The following PTPRB variants were observed in gnomAD, a reference collection of about 807,000 sequenced individuals.
The protein encoded by PTPRB is protein tyrosine phosphatase receptor type B, also known as receptor-type tyrosine-protein phosphatase beta.
Under a neutral mutation model 238.1 loss-of-function variants are expected in PTPRB, and 97 were observed. The observed-to-expected ratio is 0.41, with a 90% CI of 0.35 to 0.48. The LOEUF is 0.48. PTPRB is among the 20% of genes least tolerant of loss of function. PTPRB has a pLI of 0.30. For missense variants in PTPRB, 2,292 were observed against 2,681.9 expected, an observed-to-expected ratio of 0.85 and a Z score of 3.21; for synonymous variants, 970 against 995.4, an observed-to-expected ratio of 0.97 and a Z score of 0.48.
chr12:70,525,737 C>T (rs1035042162), intron 32 of PTPRB, among the ~76,000 whole-genome samples: 1 of 152,174 alleles, frequency 6.6e-6, no homozygotes, highest in Non-Finnish European at 1.5e-5. Context: ...CCTTCCCTTG[C>T]TGATAACTTC....
At chr12:70,570,909 T>A in intron 13 of PTPRB, 117 bp downstream of exon 13, 3 of 1,097,458 alleles carry the variant, frequency 2.7e-6, no homozygotes, top group Non-Finnish European at 3.9e-6. Flanking sequence ...CATGACTTTG[T>A]CCCTTCTTGC....
Position 70,559,426 on chromosome 12 carries a change from C to A in PTPRB, c.4631G>T (p.Arg1544Ile). ...GRIVYGLRPG[R>I]SYQFNVKTVS... is the part of the protein sequence containing the mutation. ...AGTCTTGACGTTGAATTGATAGGAT[C>A]TCCCTGGACGAAGACCATACACAAT... Residue 1544 changes from arginine (R) to isoleucine (I), a missense_variant, in exon 18 of 34, where the codon AGA becomes ATA. Transcript: ENST00000334414. 6.2e-7 allele frequency: 1 copy of A among 1,613,956 alleles called. No homozygotes were observed. The highest frequency in any genetic ancestry group is 8.5e-7 in the Non-Finnish European group (1 of 1,179,834).
intron 6 of PTPRB, 134 bp from the exon 7 acceptor site, chr12:70,592,679 A>G (rs1592553076): frequency 3.3e-6 from 3 of 896,450 alleles, no homozygotes; most frequent in Non-Finnish European, 5.0e-6. Context: ...TCAAGAGGCA[A>G]ATATTATCCT....
intron 8 of PTPRB, among the ~76,000 whole-genome samples, chr12:70,588,527 G>C (rs571735740): frequency 5.0e-4 from 76 of 152,294 alleles, no homozygotes; most frequent in African/African-American, 1.6e-3. Context: ...TAGCTACTTG[G>C]GAGGCTGAGG....
At chr12:70,551,855 G>A (rs1166237741) in intron 21 of PTPRB, among the ~76,000 whole-genome samples, 2 of 152,074 alleles carry the variant, frequency 1.3e-5, no homozygotes, top group Non-Finnish European at 2.9e-5. Flanking sequence ...CAGAACAAGA[G>A]CACTGCCAAT....
chr12:70,637,190 T>A (rs923795010), intron 1 of PTPRB, 151 bp downstream of exon 1: 2 of 637,392 alleles, frequency 3.1e-6, no homozygotes, highest in African/African-American at 3.7e-5. Flanking sequence ...TGGGCATAGC[T>A]GGCTCCTTTT....
At chr12:70,601,945 C>T (rs528553178) in intron 4 of PTPRB, among the ~76,000 whole-genome samples, 13 of 147,086 alleles carry the variant, frequency 8.8e-5, no homozygotes, top group African/African-American at 3.3e-4. Flanking sequence ...CGCCCGCCAC[C>T]ACGCCCGGCT....
At chr12:70,544,167 T>G (rs1875604557) in intron 22 of PTPRB, among the ~76,000 whole-genome samples, 1 of 152,186 alleles carries the variant, frequency 6.6e-6, no homozygotes. Flanking sequence ...TACTTTGGTG[T>G]TTTTTTCTTT....
intron 33 of PTPRB, among the ~76,000 whole-genome samples, chr12:70,524,045 G>A (rs143375199): frequency 1.6e-4 from 24 of 151,934 alleles, no homozygotes; most frequent in African/African-American, 5.6e-4. Context: ...TGATCTGCCC[G>A]CCTTGGCCTC....
intron 4 of PTPRB, among the ~76,000 whole-genome samples, chr12:70,602,539 G>A (rs887655889): frequency 6.6e-6 from 1 of 152,128 alleles, no homozygotes; most frequent in Non-Finnish European, 1.5e-5. Flanking sequence ...TAGGCATTAA[G>A]GCATTATTGT....
intron 18 of PTPRB, 198 bp downstream of exon 18, chr12:70,559,145 A>T (rs190551459): frequency 1.6e-6 from 1 of 629,566 alleles, no homozygotes; most frequent in East Asian, 2.7e-5. Context: ...AAGCCCCATG[A>T]GGGCAGAGAG....
intron 24 of PTPRB, 46 bp downstream of exon 24, chr12:70,539,893 A>G (rs770072990): frequency 3.8e-6 from 6 of 1,580,070 alleles, no homozygotes; most frequent in Non-Finnish European, 5.2e-6. Context: ...AATTTCACAT[A>G]ATACCATCTT....
Position 70,635,709 on chromosome 12 carries a change from T to G in PTPRB, c.413A>C (p.Glu138Ala), listed in dbSNP as rs1470055826. The G allele has an allele frequency of 1.9e-6, 3 of 1,613,994 alleles. No individual in the cohort carries two copies. Among genetic ancestry groups the G allele is most frequent in the East Asian group, 4.5e-5 (2 of 44,880 alleles). Residue 138 changes from glutamate to alanine, a missense_variant, in exon 2 of 34, where the codon GAG becomes GCG. Physicochemically the swap from Glu to Ala is moderately radical, Grantham distance 107. Coordinates refer to ENST00000334414, the MANE Select transcript of PTPRB (RefSeq NM_001109754.4). ...GAGGCTTTCATTGACCAGTTTTCCCTCCTTGTTGACATCTATTTTCATCCA... is the reference window on the plus strand; with the variant it reads ...GAGGCTTTCATTGACCAGTTTTCCCGCCTTGTTGACATCTATTTTCATCCA... ...HSWMKIDVNKEGKLVNESLCL... is the reference protein window; with the variant it reads ...HSWMKIDVNKAGKLVNESLCL...
intron 27 of PTPRB, chr12:70,538,629 T>G: frequency 2.1e-6 from 1 of 481,220 alleles, no homozygotes. Context: ...CTGCTTGATG[T>G]CAGAGCCCTT....
chr12:70,568,891 A>G (rs971377585), intron 14 of PTPRB, among the ~76,000 whole-genome samples: 6 of 152,152 alleles, frequency 3.9e-5, no homozygotes, highest in Non-Finnish European at 7.4e-5. Context: ...CCTCATCTGT[A>G]AGAGAACTAT....
At chr12:70,538,300 G>C (rs1874497136) in intron 27 of PTPRB, 69 bp from the exon 28 acceptor site, 7 of 1,333,168 alleles carry the variant, frequency 5.3e-6, no homozygotes, top group Non-Finnish European at 7.4e-6. Flanking sequence ...TGTGTGATGT[G>C]CCTTAGCTCT....
At chr12:70,580,557 C>G (rs987586902) in intron 10 of PTPRB, among the ~76,000 whole-genome samples, 2 of 152,162 alleles carry the variant, frequency 1.3e-5, no homozygotes, top group African/African-American at 2.4e-5. Context: ...TGGTGGCTCA[C>G]GCCTGTAATC....
chr12:70,566,245 AG>A (rs1199187655), intron 15 of PTPRB, among the ~76,000 whole-genome samples, 189 bp downstream of exon 15: 3 of 152,182 alleles, frequency 2.0e-5, no homozygotes, highest in Non-Finnish European at 4.4e-5. Flanking sequence ...TCAGAAACAG[AG>A]TGTGGTGGGC....
At chr12:70,601,333 G>A (rs1393889533) in intron 4 of PTPRB, among the ~76,000 whole-genome samples, 1 of 151,300 alleles carries the variant, frequency 6.6e-6, no homozygotes, top group African/African-American at 2.4e-5. Flanking sequence ...CTCCATGATT[G>A]CCAAATAATC....
Sources: gnomAD v4.1 joint callset for allele counts (sites outside exome capture counted in the v4.1 genomes callset) on GRCh38, gnomAD v4.1.1 for gene constraint, MANE v1.5 for transcripts, NCBI Gene and HGNC (gene_info 2026-07-23, HGNC 2026-07-21) for gene names.